The following ERBB4 variants were observed in gnomAD, a reference collection of about 807,000 sequenced individuals.
ERBB4 encodes the protein receptor tyrosine-protein kinase erbB-4.
In ERBB4, 42 loss-of-function variants were observed where a neutral mutation model predicts 158.0. The observed-to-expected ratio is 0.27, with a 90% CI of 0.21 to 0.34. The LOEUF (loss-of-function observed/expected upper bound fraction) is 0.34. Among genes scored for constraint, ERBB4 ranks in the 10% least tolerant of loss-of-function variants. The pLI is 1.00. For missense variants in ERBB4, 1,333 were observed against 1,624.1 expected, an observed-to-expected ratio of 0.82 and a Z score of 3.08; for synonymous variants, 583 against 558.7, an observed-to-expected ratio of 1.04 and a Z score of -0.61.
intron 1 of ERBB4, among the ~76,000 whole-genome samples, chr2:212,394,455 A>C (rs886980695): frequency 1.1e-3 from 175 of 152,180 alleles, no homozygotes; most frequent in African/African-American, 4.0e-3. Context: ...CTCAGATATA[A>C]TAATAAAACT....
At chr2:211,961,023 T>C (rs1638997550) in intron 2 of ERBB4, among the ~76,000 whole-genome samples, 1 of 152,128 alleles carries the variant, frequency 6.6e-6, no homozygotes, top group African/African-American at 2.4e-5. Context: ...TGCTGTATTT[T>C]CTTCACAATT....
At chr2:211,743,627 A>T (rs1015814120) in intron 5 of ERBB4, among the ~76,000 whole-genome samples, 2 of 152,190 alleles carry the variant, frequency 1.3e-5, no homozygotes, top group African/African-American at 4.8e-5. Flanking sequence ...GTTACGACTC[A>T]GTTCTTATGA....
At chr2:211,853,642 A>G (rs13021925) in intron 3 of ERBB4, among the ~76,000 whole-genome samples, 32,984 of 151,976 alleles carry the variant, frequency 0.22, 3,714 homozygotes, top group South Asian at 0.33. Context: ...TTGACTGCTA[A>G]GCAGAAACAA....
intron 12 of ERBB4, among the ~76,000 whole-genome samples, chr2:211,699,423 G>A (rs73082632): frequency 0.01 from 1,594 of 152,208 alleles, 21 homozygotes; most frequent in African/African-American, 0.036. Context: ...TTTACAAAGA[G>A]TACTGGGGAT....
chr2:212,076,072 C>G (rs576072225), intron 2 of ERBB4, among the ~76,000 whole-genome samples: 1 of 151,814 alleles, frequency 6.6e-6, no homozygotes, highest in African/African-American at 2.4e-5. Context: ...GAAGCAGACA[C>G]CAAAAGAATG....
chr2:211,998,606 T>C (rs1450377330), intron 2 of ERBB4, among the ~76,000 whole-genome samples: 3 of 151,892 alleles, frequency 2.0e-5, no homozygotes, highest in African/African-American at 7.2e-5. Flanking sequence ...TTTCCCTTTT[T>C]GTTTTAAATG....
At chr2:211,672,824 G>C (rs1211521006) in intron 14 of ERBB4, among the ~76,000 whole-genome samples, 1 of 151,934 alleles carries the variant, frequency 6.6e-6, no homozygotes, top group Non-Finnish European at 1.5e-5. Context: ...TCCTTCATTT[G>C]TGTTTCTATA....
chr2:212,047,291 A>G (rs2125386886), intron 2 of ERBB4, among the ~76,000 whole-genome samples: 1 of 152,330 alleles, frequency 6.6e-6, no homozygotes, highest in South Asian at 2.1e-4. Flanking sequence ...TAATCAAAAC[A>G]AAACTTCTAA....
At chr2:212,420,498 T>C (rs963719381) in intron 1 of ERBB4, among the ~76,000 whole-genome samples, 1 of 152,166 alleles carries the variant, frequency 6.6e-6, no homozygotes, top group Non-Finnish European at 1.5e-5. Context: ...AAGTCATGCA[T>C]GTATTTTAAT....
chr2:212,078,788 C>G (rs2078347475), intron 2 of ERBB4, among the ~76,000 whole-genome samples: 6 of 151,238 alleles, frequency 4.0e-5, no homozygotes, highest in Admixed American at 4.0e-4. Context: ...TTAAAACAAT[C>G]ACTAATATGA....
intron 1 of ERBB4, among the ~76,000 whole-genome samples, chr2:212,320,929 G>A (rs555948585): frequency 2.0e-5 from 3 of 150,036 alleles, no homozygotes; most frequent in African/African-American, 7.3e-5. Context: ...CGAAACAAAA[G>A]AAAACCTGAA....
At chr2:211,395,102 A>G (rs1337324770) in intron 25 of ERBB4, among the ~76,000 whole-genome samples, 1 of 152,110 alleles carries the variant, frequency 6.6e-6, no homozygotes, top group Admixed American at 6.5e-5. Flanking sequence ...AAAGCAAAGT[A>G]TCTTATAAAG....
chr2:211,902,569 A>C (rs1018259790), intron 3 of ERBB4, among the ~76,000 whole-genome samples: 3 of 151,810 alleles, frequency 2.0e-5, no homozygotes, highest in African/African-American at 7.2e-5. Context: ...AAAAGAAATA[A>C]ATTTTCTAGA....
intron 3 of ERBB4, among the ~76,000 whole-genome samples, chr2:211,919,756 C>G (rs2079806598): frequency 6.6e-6 from 1 of 151,880 alleles, no homozygotes; most frequent in Admixed American, 6.6e-5. Context: ...TATGCATGGT[C>G]TGTGATAAAC....
chr2:211,719,524 C>T (rs2074028277), intron 7 of ERBB4, among the ~76,000 whole-genome samples: 1 of 152,174 alleles, frequency 6.6e-6, no homozygotes, highest in South Asian at 2.1e-4. Flanking sequence ...CCTTCCCACA[C>T]CCAGGTCTTT....
intron 1 of ERBB4, among the ~76,000 whole-genome samples, chr2:212,168,067 TTAAA>T (rs1304147304): frequency 4.5e-5 from 2 of 44,720 alleles, no homozygotes; most frequent in Non-Finnish European, 1.5e-4. Context: ...GAAATTAAAA[TTAAA>T]AAAAAAAAAA....
At chr2:212,435,022 A>G (rs781719358) in intron 1 of ERBB4, among the ~76,000 whole-genome samples, 25 of 152,072 alleles carry the variant, frequency 1.6e-4, no homozygotes, top group Non-Finnish European at 3.1e-4. Flanking sequence ...TTAACAAATA[A>G]CTGAAATAAT....
intron 20 of ERBB4, among the ~76,000 whole-genome samples, chr2:211,512,249 C>T (rs979119902): frequency 1.3e-5 from 2 of 152,048 alleles, no homozygotes; most frequent in East Asian, 3.9e-4. Context: ...AACTGAATAT[C>T]ACCTGTTCCA....
At chr2:211,425,992 A>G (rs551279601) in intron 22 of ERBB4, among the ~76,000 whole-genome samples, 83 of 152,172 alleles carry the variant, frequency 5.5e-4, no homozygotes, top group African/African-American at 2.0e-3. Context: ...CCTAGAATAT[A>G]TATTTAAGGA....
Sources: gnomAD v4.1 joint callset for allele counts (sites outside exome capture counted in the v4.1 genomes callset) on GRCh38, gnomAD v4.1.1 for gene constraint, MANE v1.5 for transcripts, NCBI Gene and HGNC (gene_info 2026-07-23, HGNC 2026-07-21) for gene names.